The following FKTN variants were observed in gnomAD, a reference collection of about 807,000 sequenced individuals.
FKTN encodes fukutin.
A neutral mutation model predicts 58.6 loss-of-function variants in FKTN; 47 were observed. That is an observed-to-expected ratio of 0.80 (90% CI 0.63 to 1.02). FKTN has a LOEUF of 1.02. Ranked by LOEUF, FKTN falls within the 50% of genes least tolerant of loss-of-function variation. The pLI, the probability that FKTN is intolerant of heterozygous loss-of-function variation, is 0.00. For missense variants in FKTN, 516 were observed against 537.3 expected (o/e 0.96, Z 0.39); for synonymous variants, 178 against 191.9 (o/e 0.93, Z 0.60).
chr9:105,582,022 G>C (rs1031004515), intron 3 of FKTN, among the ~76,000 whole-genome samples: 10 of 152,076 alleles, frequency 6.6e-5, no homozygotes, highest in Admixed American at 1.3e-4. Context: ...GCCCTGCTTC[G>C]GCTCGCGCAC....
chr9:105,632,428 AT>A (rs201987624), intron 10 of FKTN, among the ~76,000 whole-genome samples: 1,843 of 116,954 alleles, frequency 0.016, 18 homozygotes, highest in Middle Eastern at 0.028. Context: ...ATAAAAAAAA[AT>A]ATATATATAT....
rs1834145455 is a variant in FKTN, at chr9:105,637,796, AC to A, written c.*2535del. 2 of 985,160 alleles carry A rather than the reference AC, an allele frequency of 2.0e-6. No individual in the cohort carries two copies. The highest frequency in any genetic ancestry group is 2.4e-6 in the Non-Finnish European group (2 of 829,854). The allele number at this position is 985,160 out of a possible 1,614,324, so 61.0% of individuals were successfully genotyped here. ...TGATAACCAGGACAACCAGGTAGTC[AC>A]CCAGTCCTCTCTAAGCAGGGAGCAC... On this transcript the variant is annotated 3_prime_UTR_variant, in exon 11 of 11. Transcript: ENST00000357998.
Position 105,640,110 on chromosome 9 carries a change from A to G in FKTN, c.*4846A>G, listed in dbSNP as rs1490712004. 5 of 1,535,390 alleles carry G rather than the reference A, an allele frequency of 3.3e-6. No homozygotes were observed. The highest frequency in any genetic ancestry group is 4.4e-6 in the Non-Finnish European group (5 of 1,146,620). Reference sequence around the variant, plus strand: ...TTTCTATCTCAACTAGGCAAGAATCAGCAGGGTGCATGATGCCATTTTAAG... The same window carrying G: ...TTTCTATCTCAACTAGGCAAGAATCGGCAGGGTGCATGATGCCATTTTAAG... On this transcript the variant is annotated 3_prime_UTR_variant, in exon 11 of 11. Coordinates refer to ENST00000357998, the MANE Select transcript of FKTN (RefSeq NM_001079802.2).
chr9:105,581,483 G>A (rs1466341248), intron 3 of FKTN, among the ~76,000 whole-genome samples: 19 of 150,688 alleles, frequency 1.3e-4, no homozygotes, highest in Non-Finnish European at 1.5e-5. Context: ...CTGCTCGGGG[G>A]TCAGGGGTCA....
At chr9:105,582,492 G>A (rs1843183395) in intron 3 of FKTN, among the ~76,000 whole-genome samples, 1 of 152,148 alleles carries the variant, frequency 6.6e-6, no homozygotes, top group South Asian at 2.1e-4. Context: ...TACTGCAACT[G>A]GCCTGGAAAA....
At chr9:105,589,215 C>T (rs551876484) in intron 3 of FKTN, among the ~76,000 whole-genome samples, 22 of 152,266 alleles carry the variant, frequency 1.4e-4, no homozygotes, top group African/African-American at 4.3e-4. Context: ...GAAGGGCCGA[C>T]GGCTGGGCAC....
At position 105,609,584 on chromosome 9, in the gene FKTN, T is replaced by C. The variant is rs1829539883; in HGVS notation, c.780+1633T>C. Among the ~76,000 whole-genome samples the C allele has an allele frequency of 1.3e-5, 2 of 152,192 alleles. 1 individual carries two copies. Among genetic ancestry groups the C allele is most frequent in the South Asian group, 4.1e-4 (2 of 4,830 alleles). ...CTTAATTTTCCTGTCTCTTTAGTCT[T>C]CTTCAGTCTGGGACAGTTTCTCAGT... On this transcript the variant is annotated intron_variant, in intron 7 of 10. Transcript: ENST00000357998.
intron 1 of FKTN, among the ~76,000 whole-genome samples, chr9:105,568,551 C>G (rs1200479171): frequency 1.3e-5 from 2 of 152,234 alleles, no homozygotes; most frequent in Non-Finnish European, 2.9e-5. Context: ...CTCATCATCA[C>G]TGGCCATCAG....
intron 10 of FKTN, chr9:105,620,266 C>T (rs886738720): frequency 4.1e-6 from 2 of 483,944 alleles, no homozygotes; most frequent in Non-Finnish European, 3.7e-6. Context: ...GGAAGTGTCC[C>T]TGGGTTTGTC....
At chr9:105,610,440 C>T (rs1306448484) in intron 7 of FKTN, among the ~76,000 whole-genome samples, 2 of 152,038 alleles carry the variant, frequency 1.3e-5, no homozygotes, top group Non-Finnish European at 2.9e-5. Flanking sequence ...ATATTTGCGA[C>T]TCCCTTTTCA....
Position 105,636,994 on chromosome 9 carries a change from A to G in FKTN, c.*1730A>G. ...GTTTCTGGAGACATTTAAGATTGTCAGCAAACTTGTCCCAAAATGGCACAT... is the reference window on the plus strand; with the variant it reads ...GTTTCTGGAGACATTTAAGATTGTCGGCAAACTTGTCCCAAAATGGCACAT... On this transcript the variant is annotated 3_prime_UTR_variant, in exon 11 of 11. Coordinates refer to ENST00000357998, the MANE Select transcript of FKTN (RefSeq NM_001079802.2). The G allele has an allele frequency of 1.0e-6, 1 of 1,000,982 alleles. No individual in the cohort carries two copies. The highest frequency in any genetic ancestry group is 1.2e-6 in the Non-Finnish European group (1 of 837,750). The allele number at this position is 1,000,982 out of a possible 1,614,324, so 62.0% of individuals were successfully genotyped here.
intron 9 of FKTN, among the ~76,000 whole-genome samples, chr9:105,619,623 T>G (rs1177939609): frequency 1.3e-5 from 2 of 152,176 alleles, no homozygotes; most frequent in Non-Finnish European, 2.9e-5. Context: ...CCTTTTTTAG[T>G]CAGAAAGCTG....
rs752191412 is a variant in FKTN at position 105,635,052 on chromosome 9, T to C, written c.1174T>C (p.Tyr392His). ...CCTAATCCCTCTGTTTTGCTGCAGA[T>C]ACCTGTTTCCGAAGTTTACACTGTG... ...TQAKTGKKFK[Y>H]LFPKFTLCWT... The change falls in exon 11 of 11, where the codon TAC (tyrosine) becomes CAC (histidine). Residue 392 changes from tyrosine to histidine, a missense_variant and splice_region_variant. Coordinates refer to ENST00000357998, the MANE Select transcript of FKTN (RefSeq NM_001079802.2). The C allele has an allele frequency of 3.1e-6, 5 of 1,613,882 alleles. No homozygotes were observed. Among genetic ancestry groups the C allele is most frequent in the Non-Finnish European group, 4.2e-6 (5 of 1,179,832 alleles).
rs1193829468 is a variant in FKTN, at chr9:105,619,819, A to G, written c.1045-115A>G. The stretch of plus-strand genomic sequence containing the variant: ...AAAAAATGTGCATCTTAGAATGAAT[A>G]CTCTATGTATGTAAAACTTAAGAAT... On this transcript the variant is annotated intron_variant, in intron 9 of 10. Transcript: ENST00000357998. The G allele has an allele frequency of 1.3e-5, 12 of 922,962 alleles. No homozygotes were observed. The East Asian group carries it at 3.3e-4, about 26-fold the overall frequency. The allele number at this position is 922,962 out of a possible 1,614,324, so 57.2% of individuals were successfully genotyped here. A position where few individuals can be genotyped will look rare whatever the true frequency, so the allele number is the denominator to read the frequency against.
At chr9:105,567,576 AC>A (rs1839897763) in intron 1 of FKTN, among the ~76,000 whole-genome samples, 1 of 152,228 alleles carries the variant, frequency 6.6e-6, no homozygotes, top group African/African-American at 2.4e-5. Flanking sequence ...TAGGAATCCA[AC>A]TTACAAGGGA....
intron 10 of FKTN, among the ~76,000 whole-genome samples, chr9:105,634,224 A>C (rs553609081): frequency 3.3e-5 from 5 of 151,832 alleles, no homozygotes; most frequent in African/African-American, 9.7e-5. Context: ...CTCCACCTCC[A>C]GGGTTCAAGT....
At chr9:105,576,151 T>C (rs1841639534) in intron 3 of FKTN, among the ~76,000 whole-genome samples, 1 of 151,440 alleles carries the variant, frequency 6.6e-6, no homozygotes, top group East Asian at 1.9e-4. Context: ...TTTTCTTTTT[T>C]TTTTTTTTTT....
intron 1 of FKTN, among the ~76,000 whole-genome samples, chr9:105,563,339 G>A (rs992252455): frequency 4.6e-5 from 7 of 152,262 alleles, no homozygotes; most frequent in Admixed American, 6.5e-5. Flanking sequence ...AGCGTGAGCC[G>A]AAGCAGGGCA....
chr9:105,620,074 T>C lies in FKTN; in HGVS notation c.1172+13T>C, dbSNP rs768792475. ...GAAAAAAATTCAAGTATGAATCAAATAAGTACTTATTTATAAAGGTACTAC... is the reference window on the plus strand; with the variant it reads ...GAAAAAAATTCAAGTATGAATCAAACAAGTACTTATTTATAAAGGTACTAC... On this transcript the variant is annotated intron_variant, in intron 10 of 10. Transcript: ENST00000357998. 239 of 1,602,240 alleles carry C rather than the reference T, an allele frequency of 1.5e-4. No individual in the cohort carries two copies. The Admixed American group carries it at 3.9e-3, about 26-fold the overall frequency.
Sources: gnomAD v4.1 joint callset for allele counts (sites outside exome capture counted in the v4.1 genomes callset) on GRCh38, gnomAD v4.1.1 for gene constraint, MANE v1.5 for transcripts, NCBI Gene and HGNC (gene_info 2026-07-23, HGNC 2026-07-21) for gene names.